Variants in PLA2G4E observed in about 807,000 individuals in gnomAD.
PLA2G4E encodes the protein cytosolic phospholipase A2 epsilon.
A neutral mutation model predicts 109.1 loss-of-function variants in PLA2G4E; 84 were observed. That is an observed-to-expected ratio of 0.77 (90% CI 0.65 to 0.92). The LOEUF is 0.92. PLA2G4E is among the 40% of genes least tolerant of loss of function. The pLI is 0.00. For synonymous variants in PLA2G4E, 469 were observed against 436.1 expected (o/e 1.08, Z -0.94); for missense variants, 1,057 against 1,076.6 (o/e 0.98, Z 0.25).
intron 1 of PLA2G4E, among the ~76,000 whole-genome samples, chr15:42,046,172 G>A (rs1216551625): frequency 6.6e-6 from 1 of 152,130 alleles, no homozygotes; most frequent in Non-Finnish European, 1.5e-5. Context: ...CACTTGGCCC[G>A]CACTTCCCCT....
chr15:42,028,407 A>ATTTATTTATTTC (rs1555388346), intron 1 of PLA2G4E, among the ~76,000 whole-genome samples: 22 of 139,710 alleles, frequency 1.6e-4, no homozygotes, highest in African/African-American at 5.5e-4. Flanking sequence ...TTATTTATTT[A>ATTTATTTATTTC]TTTATTTATT....
At chr15:41,987,029 G>A in intron 17 of PLA2G4E, 143 bp downstream of exon 17, 1 of 855,040 alleles carries the variant, frequency 1.2e-6, no homozygotes, top group Non-Finnish European at 1.8e-6. Flanking sequence ...ACCAAATGTG[G>A]AAAACACCAT....
intron 1 of PLA2G4E, among the ~76,000 whole-genome samples, chr15:42,036,705 G>A (rs1215277748): frequency 6.6e-6 from 1 of 152,292 alleles, no homozygotes; most frequent in South Asian, 2.1e-4. Context: ...CCGGGGCCCA[G>A]CCAGGACCTG....
intron 1 of PLA2G4E, among the ~76,000 whole-genome samples, chr15:42,021,248 G>A (rs925013109): frequency 6.6e-6 from 1 of 151,764 alleles, no homozygotes; most frequent in African/African-American, 2.4e-5. Context: ...TGGTCTTTGG[G>A]GTCAGCAGTC....
intron 1 of PLA2G4E, among the ~76,000 whole-genome samples, chr15:42,028,826 C>A (rs1383232371): frequency 2.0e-5 from 3 of 152,110 alleles, no homozygotes; most frequent in Non-Finnish European, 4.4e-5. Flanking sequence ...GTAAAACAAG[C>A]CTTACAGCTT....
intron 1 of PLA2G4E, among the ~76,000 whole-genome samples, chr15:42,017,651 T>C (rs76149103): frequency 0.02 from 3,030 of 152,254 alleles, 128 homozygotes; most frequent in African/African-American, 0.07. Flanking sequence ...GGAAGACAAA[T>C]GTTGCTTGCC....
rs1184339268 is a variant in PLA2G4E at position 42,004,996 on chromosome 15, G to A, written c.526-18C>T. Reference sequence around the variant, plus strand: ...TCCATGCCCTGGTAGGGGAGGGAGGGAAGGCAGCTGTGAGTGGCGTCTGCA... The same window carrying A: ...TCCATGCCCTGGTAGGGGAGGGAGGAAAGGCAGCTGTGAGTGGCGTCTGCA... On this transcript the variant is annotated intron_variant, in intron 4 of 19. Transcript: ENST00000399518. The A allele has an allele frequency of 6.2e-7, 1 of 1,611,824 alleles. No individual in the cohort carries two copies. Among genetic ancestry groups the A allele is most frequent in the African/African-American group, 1.3e-5 (1 of 74,904 alleles).
chr15:42,030,954 G>A (rs1889101239), intron 1 of PLA2G4E, among the ~76,000 whole-genome samples: 1 of 152,126 alleles, frequency 6.6e-6, no homozygotes, highest in Admixed American at 6.5e-5. Flanking sequence ...ATCAGTTGAA[G>A]GGCAAAATTT....
exon 13 of PLA2G4E, chr15:41,992,922 A>T (rs1056580745): frequency 1.9e-6 from 3 of 1,613,576 alleles, no homozygotes; most frequent in Non-Finnish European, 2.5e-6. Context: ...AAGTTTTTGG[A>T]GGACCAGTCA....
intron 14 of PLA2G4E, 68 bp downstream of exon 14, chr15:41,990,046 AGGTGCTG>A: frequency 9.2e-7 from 1 of 1,090,442 alleles, no homozygotes; most frequent in Non-Finnish European, 1.4e-6. Flanking sequence ...GGGGACCTGG[AGGTGCTG>A]GGTGCTTTTG....
chr15:42,048,892 G>A (rs1014525690), intron 1 of PLA2G4E, among the ~76,000 whole-genome samples: 2 of 152,182 alleles, frequency 1.3e-5, no homozygotes, highest in South Asian at 2.1e-4. Flanking sequence ...TTATGTTTTC[G>A]TTGCTCCCAA....
At chr15:41,993,023 G>A (rs533611193) in intron 12 of PLA2G4E, 64 bp from the exon 13 acceptor site, 67 of 1,425,334 alleles carry the variant, frequency 4.7e-5, no homozygotes, top group South Asian at 9.1e-5. Flanking sequence ...TCCTGGACCC[G>A]GGCAGGAGGG....
intron 1 of PLA2G4E, among the ~76,000 whole-genome samples, chr15:42,017,110 G>A (rs948255835): frequency 2.0e-5 from 3 of 152,230 alleles, no homozygotes; most frequent in African/African-American, 7.2e-5. Flanking sequence ...GGAGGCTTCA[G>A]CCCAGGCAGG....
At chr15:41,998,982 A>G (rs1704359) in intron 10 of PLA2G4E, 145,828 of 152,198 alleles carry the variant, frequency 0.96, 70,034 homozygotes, top group African/African-American at 0.98. Context: ...AACCCAGGAG[A>G]CAGAGGTTGC....
intron 6 of PLA2G4E, among the ~76,000 whole-genome samples, chr15:42,002,264 C>CAAAAAAAAAAAAAAAAAAAA (rs71108143): frequency 1.5e-4 from 11 of 73,206 alleles, no homozygotes; most frequent in African/African-American, 6.2e-4. Flanking sequence ...GACCTTGTCT[C>CAAAAAAAAAAAAAAAAAAAA]AAAAAAAAAA....
At chr15:42,014,717 G>A (rs1415540614) in intron 1 of PLA2G4E, among the ~76,000 whole-genome samples, 1 of 152,126 alleles carries the variant, frequency 6.6e-6, no homozygotes, top group African/African-American at 2.4e-5. Flanking sequence ...GGTCCTTCTG[G>A]TCACTCTATT....
At chr15:41,992,479 TCA>T (rs549731545) in intron 13 of PLA2G4E, among the ~76,000 whole-genome samples, 80 of 152,338 alleles carry the variant, frequency 5.3e-4, no homozygotes, top group African/African-American at 1.8e-3. Context: ...GGCGTGGCTC[TCA>T]GAGGACGTGC....
rs2068160109 is a variant in PLA2G4E, at chr15:41,987,390, G to T, written c.1832-15C>A. 2 of 1,609,488 alleles carry T rather than the reference G, an allele frequency of 1.2e-6. No individual in the cohort carries two copies. The highest frequency in any genetic ancestry group is 2.7e-5 in the African/African-American group (2 of 74,860). ...CGGCTCGTCTTCTGCAGGGGAGGGA[G>T]GGATGAAGGGCAGGTCATGAGAGGT... On this transcript the variant is annotated splice_polypyrimidine_tract_variant and intron_variant, in intron 16 of 19. Coordinates refer to ENST00000399518, the Ensembl canonical transcript of PLA2G4E.
chr15:42,048,919 C>A, intron 1 of PLA2G4E, among the ~76,000 whole-genome samples: 1 of 152,224 alleles, frequency 6.6e-6, no homozygotes, highest in East Asian at 1.9e-4. Flanking sequence ...TCAGCTGCCA[C>A]TTCTAGGTGT....
Sources: gnomAD v4.1 joint callset for allele counts (sites outside exome capture counted in the v4.1 genomes callset) on GRCh38, gnomAD v4.1.1 for gene constraint, MANE v1.5 for transcripts, NCBI Gene and HGNC (gene_info 2026-07-23, HGNC 2026-07-21) for gene names.